The following CLASP1 variants were observed in gnomAD, a reference collection of about 807,000 sequenced individuals.
CLASP1 encodes CLIP-associating protein 1.
In CLASP1, 38 loss-of-function variants were observed where a neutral mutation model predicts 192.3. That is an observed-to-expected ratio of 0.20 (90% CI 0.15 to 0.26). The LOEUF is 0.26. CLASP1 is among the 10% of genes least tolerant of loss of function. CLASP1 has a pLI of 1.00. For missense variants in CLASP1, 1,433 were observed against 1,932.5 expected, an observed-to-expected ratio of 0.74 and a Z score of 4.85; for synonymous variants, 691 against 712.8, an observed-to-expected ratio of 0.97 and a Z score of 0.49.
At chr2:121,556,456 C>T (rs141823284) in intron 2 of CLASP1, among the ~76,000 whole-genome samples, 202 of 152,304 alleles carry the variant, frequency 1.3e-3, no homozygotes, top group African/African-American at 4.4e-3. Context: ...CCGCTCCCTT[C>T]ACTGGCCTCC....
At chr2:121,347,007 T>C (rs1558805753) in intron 39 of CLASP1, 31 bp downstream of exon 40, 1 of 1,342,880 alleles carries the variant, frequency 7.4e-7, no homozygotes. Flanking sequence ...AGCCCAGGTG[T>C]GCGTATCAGC....
intron 7 of CLASP1, among the ~76,000 whole-genome samples, chr2:121,511,877 T>C (rs191640458): frequency 6.0e-4 from 92 of 152,318 alleles, no homozygotes; most frequent in African/African-American, 2.1e-3. Context: ...AAATAAGTGA[T>C]GTCTCAGAGC....
At chr2:121,392,597 G>A (rs566635091) in intron 30 of CLASP1, among the ~76,000 whole-genome samples, 1 of 152,192 alleles carries the variant, frequency 6.6e-6, no homozygotes, top group South Asian at 2.1e-4. Flanking sequence ...TTATTATTCC[G>A]ATTTTACAGA....
At chr2:121,594,116 C>T (rs973622992) in intron 2 of CLASP1, among the ~76,000 whole-genome samples, 2 of 151,486 alleles carry the variant, frequency 1.3e-5, no homozygotes, top group African/African-American at 2.4e-5. Context: ...CTGGCTAACA[C>T]GGTGAAACCC....
chr2:121,447,379 T>C, exon 19 of CLASP1: 2 of 1,587,222 alleles, frequency 1.3e-6, no homozygotes, highest in Non-Finnish European at 1.7e-6. Context: ...GCTGCAGAGC[T>C]GAAAGGCGTC....
intron 35 of CLASP1, among the ~76,000 whole-genome samples, chr2:121,366,310 ATAGC>A (rs914140930): frequency 6.6e-6 from 1 of 152,222 alleles, no homozygotes; most frequent in African/African-American, 2.4e-5. Flanking sequence ...CTATACCCTA[ATAGC>A]TCACTGTCCA....
chr2:121,518,038 TG>T (rs1280474553), intron 6 of CLASP1, among the ~76,000 whole-genome samples: 1 of 150,490 alleles, frequency 6.6e-6, no homozygotes, highest in Non-Finnish European at 1.5e-5. Flanking sequence ...GAGACCAGCC[TG>T]GCAAACATGG....
At chr2:121,642,739 AT>A (rs2072381069) in intron 1 of CLASP1, among the ~76,000 whole-genome samples, 1 of 152,178 alleles carries the variant, frequency 6.6e-6, no homozygotes, top group African/African-American at 2.4e-5. Context: ...CCCAAAAAAA[AT>A]CTCAAACAGT....
At chr2:121,351,369 C>G (rs1039758362) in intron 37 of CLASP1, among the ~76,000 whole-genome samples, 2 of 152,208 alleles carry the variant, frequency 1.3e-5, no homozygotes, top group Non-Finnish European at 2.9e-5. Context: ...GGTGGCATTT[C>G]CATGTGTGTT....
chr2:121,400,064 A>C (rs2075924872), intron 28 of CLASP1, among the ~76,000 whole-genome samples: 1 of 152,194 alleles, frequency 6.6e-6, no homozygotes, highest in Non-Finnish European at 1.5e-5. Flanking sequence ...CTAGCCCCTC[A>C]GTCAATCTTG....
At chr2:121,625,392 G>A (rs1444238198) in intron 1 of CLASP1, among the ~76,000 whole-genome samples, 1 of 150,142 alleles carries the variant, frequency 6.7e-6, no homozygotes, top group Non-Finnish European at 1.5e-5. Context: ...GCACAAAGGA[G>A]CATATATGCT....
At chr2:121,482,469 C>A (rs368482730) in intron 8 of CLASP1, among the ~76,000 whole-genome samples, 1 of 152,086 alleles carries the variant, frequency 6.6e-6, no homozygotes, top group African/African-American at 2.4e-5. Context: ...TACAGCGACA[C>A]GCCAAGAGTG....
At chr2:121,427,543 T>A in intron 20 of CLASP1, 113 bp from the exon 21 acceptor site, 1 of 1,043,102 alleles carries the variant, frequency 9.6e-7, no homozygotes, top group South Asian at 1.4e-5. Flanking sequence ...ACAAATACAT[T>A]AGCAAAACAG....
chr2:121,460,130 T>C lies in CLASP1; in HGVS notation c.1033-5A>G. Reference sequence around the variant, plus strand: ...TAAAGATCTAATCTTTTTTAGCTAATGGAATAGAGAAAATTCAGAAAAATA... The same window carrying C: ...TAAAGATCTAATCTTTTTTAGCTAACGGAATAGAGAAAATTCAGAAAAATA... On this transcript the variant is annotated splice_polypyrimidine_tract_variant and splice_region_variant and intron_variant, in intron 11 of 39. Coordinates refer to ENST00000263710, the Ensembl canonical transcript of CLASP1. 6.2e-7 allele frequency: 1 copy of C among 1,605,786 alleles called. No individual in the cohort carries two copies. Among genetic ancestry groups the C allele is most frequent in the Non-Finnish European group, 8.5e-7 (1 of 1,176,608 alleles).
At chr2:121,340,973 T>C (rs1004186805) in intron 39 of CLASP1, 26 bp from the exon 41 acceptor site, 1 of 1,483,940 alleles carries the variant, frequency 6.7e-7, no homozygotes, top group Non-Finnish European at 9.3e-7. Context: ...GAAACTGAAT[T>C]AGCAGGAAGA....
intron 39 of CLASP1, 25 bp from the exon 41 acceptor site, chr2:121,340,972 T>A (rs759371561): frequency 6.7e-7 from 1 of 1,492,702 alleles, no homozygotes; most frequent in East Asian, 2.3e-5. Flanking sequence ...TGAAACTGAA[T>A]TAGCAGGAAG....
At chr2:121,500,345 AAAGAAAGAAAGAAAG>A (rs2093696321) in intron 8 of CLASP1, among the ~76,000 whole-genome samples, 1 of 12,592 alleles carries the variant, frequency 7.9e-5, no homozygotes, top group Non-Finnish European at 1.7e-4. Context: ...AAAGAAAGAA[AAAGAAAGAAAGAAAG>A]AAAGAAAGAA....
chr2:121,540,491 A>T (rs1335878861), intron 2 of CLASP1, among the ~76,000 whole-genome samples: 1 of 152,116 alleles, frequency 6.6e-6, no homozygotes, highest in Non-Finnish European at 1.5e-5. Flanking sequence ...TCAATTTTTT[A>T]AAACCAAGCA....
At chr2:121,541,436 G>A (rs1575816562) in intron 2 of CLASP1, among the ~76,000 whole-genome samples, 1 of 152,198 alleles carries the variant, frequency 6.6e-6, no homozygotes, top group Middle Eastern at 3.4e-3. Context: ...ACTTATCCAG[G>A]GTTGTAAAGT....
Sources: allele counts gnomAD v4.1 joint callset (sites outside exome capture counted in the v4.1 genomes callset), GRCh38; gene constraint gnomAD v4.1.1; transcripts MANE v1.5; gene names NCBI Gene and HGNC (gene_info 2026-07-23, HGNC 2026-07-21).